LARP4B: variants seen among roughly 807,000 people sequenced by gnomAD.
LARP4B encodes La ribonucleoprotein 4B, also known as la-related protein 4B.
In LARP4B, 12 loss-of-function variants were observed where a neutral mutation model predicts 89.8. The observed-to-expected ratio is 0.13, with a 90% CI of 0.09 to 0.22. LARP4B has a LOEUF of 0.22. Among genes scored for constraint, LARP4B ranks in the 10% least tolerant of loss-of-function variants. LARP4B has a pLI of 1.00. For missense variants in LARP4B, 757 were observed against 947.7 expected (o/e 0.80, Z 2.64); for synonymous variants, 367 against 363.3 (o/e 1.01, Z -0.12).
chr10:849,451 A>C (rs984611214), intron 5 of LARP4B, among the ~76,000 whole-genome samples: 1 of 152,280 alleles, frequency 6.6e-6, no homozygotes, highest in African/African-American at 2.4e-5. Context: ...CTGGATTATA[A>C]CCAAAAGTAT....
chr10:961,533 G>A, the LARP4B span, among the ~76,000 whole-genome samples: 2 of 150,282 alleles, frequency 1.3e-5, no homozygotes, highest in African/African-American at 5.0e-5. Flanking sequence ...TGAGGCCTCG[G>A]GAAGGTCCAC....
At chr10:843,646 C>G (rs1833637074) in intron 6 of LARP4B, among the ~76,000 whole-genome samples, 1 of 151,886 alleles carries the variant, frequency 6.6e-6, no homozygotes, top group African/African-American at 2.4e-5. Context: ...TTACAGTGAG[C>G]CAAGATCACA....
intron 6 of LARP4B, among the ~76,000 whole-genome samples, chr10:843,813 T>C (rs991712243): frequency 3.3e-5 from 5 of 152,210 alleles, no homozygotes; most frequent in Admixed American, 6.5e-5. Flanking sequence ...CTGTAGACTC[T>C]GGAACACTCA....
At chr10:853,067 CACTTTG>C (rs1834134410) in intron 5 of LARP4B, among the ~76,000 whole-genome samples, 1 of 152,124 alleles carries the variant, frequency 6.6e-6, no homozygotes, top group Non-Finnish European at 1.5e-5. Flanking sequence ...AAAATCTCAG[CACTTTG>C]TAGATATTAA....
chr10:968,601 C>T, the LARP4B span, among the ~76,000 whole-genome samples: 1 of 151,958 alleles, frequency 6.6e-6, no homozygotes, highest in East Asian at 1.9e-4. Context: ...TCCCACTTGG[C>T]TGTTGTCAAT....
rs1476359693 is a variant in LARP4B, at chr10:825,104, G to A, written c.1445C>T (p.Pro482Leu). The part of the protein sequence containing the change: ...KREAGPGRVE[P>L]GSLESSPGLG... Reference sequence around the variant, plus strand: ...ACCAGGAGAGGATTCGAGACTGCCTGGCTCCACACGCCCAGGCCCAGCCTC... The same window carrying A: ...ACCAGGAGAGGATTCGAGACTGCCTAGCTCCACACGCCCAGGCCCAGCCTC... Residue 482 changes from proline to leucine, a missense_variant, in exon 13 of 18, where the codon CCA becomes CTA. Pro to Leu is a moderately conservative substitution (Grantham distance 98). Around this residue, in one of 5 missense-constraint regions of LARP4B, gnomAD observed 387 missense variants for 423.6 expected, o/e 0.91. Coordinates refer to ENST00000316157, the MANE Select transcript of LARP4B (RefSeq NM_015155.3). 6.2e-7 allele frequency: 1 copy of A among 1,614,220 alleles called. No individual in the cohort carries two copies. The highest frequency in any genetic ancestry group is 1.7e-5 in the Admixed American group (1 of 60,028).
At chr10:919,012 C>A (rs148452658) in intron 1 of LARP4B, among the ~76,000 whole-genome samples, 2 of 151,778 alleles carry the variant, frequency 1.3e-5, no homozygotes, top group Non-Finnish European at 2.9e-5. Context: ...ACCCGAGAGG[C>A]GGAGTTTGCA....
chr10:914,913 A>G (rs536465877), intron 1 of LARP4B, among the ~76,000 whole-genome samples: 2 of 149,966 alleles, frequency 1.3e-5, no homozygotes, highest in East Asian at 3.9e-4. Context: ...TAATCTTGTG[A>G]AAAAAAAATT....
chr10:907,245 A>C (rs2132006732), intron 1 of LARP4B, among the ~76,000 whole-genome samples: 1 of 152,346 alleles, frequency 6.6e-6, no homozygotes, highest in Non-Finnish European at 1.5e-5. Context: ...AAATACATTA[A>C]TAATTTATTA....
At chr10:842,518 T>A (rs1006060310) in intron 7 of LARP4B, among the ~76,000 whole-genome samples, 1 of 152,116 alleles carries the variant, frequency 6.6e-6, no homozygotes, top group Admixed American at 6.5e-5. Context: ...TTAAGAAAAA[T>A]TGCAATAATT....
chr10:983,056 C>T, the LARP4B span, among the ~76,000 whole-genome samples: 3 of 152,304 alleles, frequency 2.0e-5, no homozygotes, highest in East Asian at 3.9e-4. Context: ...TTACCTTTCT[C>T]TTTATGTATT....
the LARP4B span, among the ~76,000 whole-genome samples, chr10:967,628 T>C: frequency 6.6e-6 from 1 of 152,212 alleles, no homozygotes; most frequent in Non-Finnish European, 1.5e-5. Context: ...GCTCAGCCCT[T>C]GCTGCGGAGA....
At chr10:831,298 A>T (rs1359549551) in intron 8 of LARP4B, among the ~76,000 whole-genome samples, 42 of 104,162 alleles carry the variant, frequency 4.0e-4, no homozygotes, top group Non-Finnish European at 6.8e-4. Context: ...TTTTTTTTTT[A>T]AAGGCAATTT....
At chr10:854,671 G>C (rs569510965) in intron 5 of LARP4B, among the ~76,000 whole-genome samples, 1 of 151,714 alleles carries the variant, frequency 6.6e-6, no homozygotes, top group East Asian at 1.9e-4. Flanking sequence ...AGGCTTTGTT[G>C]TTCCACTTAA....
intron 5 of LARP4B, among the ~76,000 whole-genome samples, chr10:859,575 A>G (rs1834486410): frequency 1.3e-5 from 2 of 152,248 alleles, no homozygotes; most frequent in African/African-American, 2.4e-5. Context: ...AAACCTGCAC[A>G]TGAATGCTAA....
At chr10:934,274 A>G (rs112200251), upstream of LARP4B, among the ~76,000 whole-genome samples, 3,512 of 152,092 alleles carry the variant, frequency 0.023, 64 homozygotes, top group Non-Finnish European at 0.038. Flanking sequence ...AGGCAGGCAG[A>G]TCGCCCAAGG....
chr10:850,697 C>A (rs930146829), intron 5 of LARP4B, among the ~76,000 whole-genome samples: 3 of 152,014 alleles, frequency 2.0e-5, no homozygotes, highest in Non-Finnish European at 4.4e-5. Flanking sequence ...GAATATTTAA[C>A]AAGACAGCCC....
chr10:906,182 A>G (rs1171543386), intron 1 of LARP4B, among the ~76,000 whole-genome samples: 1 of 152,234 alleles, frequency 6.6e-6, no homozygotes, highest in African/African-American at 2.4e-5. Flanking sequence ...TTTAAAGTGC[A>G]GCTGAGAGAC....
chr10:834,538 C>A (rs149541220), intron 8 of LARP4B, among the ~76,000 whole-genome samples: 1 of 152,230 alleles, frequency 6.6e-6, no homozygotes, highest in African/African-American at 2.4e-5. Context: ...AATAATTATA[C>A]AGAGTCCTTG....
Sources: gnomAD v4.1 joint callset for allele counts (sites outside exome capture counted in the v4.1 genomes callset) on GRCh38, gnomAD v4.1.1 for gene constraint, gnomAD v4.1.1 regional missense constraint, MANE v1.5 for transcripts, NCBI Gene and HGNC (gene_info 2026-07-23, HGNC 2026-07-21) for gene names.